The following KCNMA1 variants were observed in gnomAD, a reference collection of about 807,000 sequenced individuals.
KCNMA1 encodes the protein potassium calcium-activated channel subfamily M alpha 1, also known as Calcium-activated potassium channel subunit alpha-1.
KCNMA1 carries 29 observed loss-of-function variants against 140.0 expected under a neutral mutation model. The ratio of observed to expected loss-of-function variants is 0.21; its 90% confidence interval spans 0.15 to 0.28. The LOEUF (loss-of-function observed/expected upper bound fraction) is 0.28. Ranked by LOEUF, KCNMA1 falls within the 10% of genes least tolerant of loss-of-function variation. The pLI is 1.00. For missense variants in KCNMA1, 880 were observed against 1,602.2 expected, an observed-to-expected ratio of 0.55 and a Z score of 7.70; for synonymous variants, 612 against 611.9, an observed-to-expected ratio of 1.00 and a Z score of 0.00.
At chr10:77,621,535 C>T (rs910451446) in intron 1 of KCNMA1, among the ~76,000 whole-genome samples, 1 of 152,128 alleles carries the variant, frequency 6.6e-6, no homozygotes, top group African/African-American at 2.4e-5. Context: ...CACACACACA[C>T]ACACACACAC....
At chr10:77,427,474 G>C (rs1343990123) in intron 1 of KCNMA1, among the ~76,000 whole-genome samples, 1 of 152,180 alleles carries the variant, frequency 6.6e-6, no homozygotes, top group African/African-American at 2.4e-5. Context: ...GAGATGACTT[G>C]GCACAGCACC....
At chr10:77,315,006 C>A (rs573782031) in intron 2 of KCNMA1, among the ~76,000 whole-genome samples, 1 of 151,106 alleles carries the variant, frequency 6.6e-6, no homozygotes, top group Non-Finnish European at 1.5e-5. Flanking sequence ...ATGGGATGTA[C>A]TATGATGTTT....
chr10:77,603,579 A>G (rs2083391041), intron 1 of KCNMA1, among the ~76,000 whole-genome samples: 1 of 152,152 alleles, frequency 6.6e-6, no homozygotes, highest in Non-Finnish European at 1.5e-5. Context: ...AACCTCTGGC[A>G]TCCTGGCAGG....
At chr10:76,877,317 C>T (rs1252798177), downstream of KCNMA1, 4 of 154,676 alleles carry the variant, frequency 2.6e-5, no homozygotes, top group African/African-American at 7.2e-5. Context: ...CCCTTAATTA[C>T]AATTAATTGT....
intron 7 of KCNMA1, among the ~76,000 whole-genome samples, chr10:77,111,480 C>T (rs889327338): frequency 4.6e-5 from 7 of 152,142 alleles, no homozygotes; most frequent in Admixed American, 4.6e-4. Context: ...TTGGGTGCTT[C>T]GTGCTTGGTT....
At chr10:77,530,089 G>A (rs911284891) in intron 1 of KCNMA1, among the ~76,000 whole-genome samples, 1 of 152,206 alleles carries the variant, frequency 6.6e-6, no homozygotes, top group African/African-American at 2.4e-5. Flanking sequence ...TCCTCCAGCA[G>A]TGTCTACATG....
chr10:77,370,858 C>T (rs2094650862), intron 2 of KCNMA1, among the ~76,000 whole-genome samples: 1 of 152,196 alleles, frequency 6.6e-6, no homozygotes, highest in Non-Finnish European at 1.5e-5. Flanking sequence ...ACAGTGCCCT[C>T]TACTTCACAG....
chr10:76,889,396 G>A, intron 27 of KCNMA1, 55 bp downstream of exon 27: 1 of 1,160,340 alleles, frequency 8.6e-7, no homozygotes, highest in Non-Finnish European at 1.3e-6. Context: ...GGACAGGAAA[G>A]GATATTAATA....
chr10:77,320,410 C>T (rs978762157), intron 2 of KCNMA1, among the ~76,000 whole-genome samples: 12 of 152,098 alleles, frequency 7.9e-5, no homozygotes, highest in African/African-American at 2.7e-4. Flanking sequence ...CCCTAAGAAC[C>T]TAATTGGAAT....
chr10:76,883,257 A>G (rs1190818880), downstream of KCNMA1, among the ~76,000 whole-genome samples: 1 of 152,234 alleles, frequency 6.6e-6, no homozygotes, highest in Non-Finnish European at 1.5e-5. Flanking sequence ...AATCAAACCA[A>G]GAGGACAAGG....
intron 2 of KCNMA1, among the ~76,000 whole-genome samples, chr10:77,295,787 C>CAAAAA (rs36034012): frequency 0.019 from 801 of 43,290 alleles, 127 homozygotes; most frequent in Middle Eastern, 0.077. Context: ...GACTCCGTCT[C>CAAAAA]AAAAAAAAAA....
intron 2 of KCNMA1, among the ~76,000 whole-genome samples, chr10:77,336,698 T>C (rs184485466): frequency 1.2e-4 from 19 of 152,328 alleles, no homozygotes; most frequent in Admixed American, 9.8e-4. Flanking sequence ...ACTGATGGCA[T>C]TGGGAGCTGA....
intron 2 of KCNMA1, among the ~76,000 whole-genome samples, chr10:77,290,604 TC>T (rs1478961479): frequency 1.3e-5 from 2 of 152,222 alleles, no homozygotes; most frequent in African/African-American, 4.8e-5. Context: ...TTAGATGTTT[TC>T]CTTCAGTGCT....
At chr10:77,615,973 G>A (rs536035427) in intron 1 of KCNMA1, among the ~76,000 whole-genome samples, 6 of 152,134 alleles carry the variant, frequency 3.9e-5, no homozygotes, top group East Asian at 1.9e-4. Context: ...AAACCTTTAC[G>A]TGGCTGGTAT....
In KCNMA1 at chr10:76,889,472, G is replaced by T. The variant is rs1253143924; in HGVS notation, c.3440C>A (p.Thr1147Asn). Reference sequence around the variant, plus strand: ...TCACCTCTTTGTGCACTGACTGGGGGTGCTGAGGTGAGCATCTCTCAGCCG... The same window carrying T: ...TCACCTCTTTGTGCACTGACTGGGGTTGCTGAGGTGAGCATCTCTCAGCCG... ...IYRLRDAHLSTPSQCTKRYVI... is the reference protein window; with the variant it reads ...IYRLRDAHLSNPSQCTKRYVI... The change falls in exon 27 of 28, where the codon ACC (threonine) becomes AAC (asparagine). Residue 1147 changes from threonine to asparagine, a missense_variant. Physicochemically the swap from Thr to Asn is moderately conservative, Grantham distance 65. Coordinates refer to ENST00000286628, the MANE Select transcript of KCNMA1 (RefSeq NM_001161352.2). The T allele has an allele frequency of 1.2e-6, 2 of 1,611,774 alleles. No homozygotes were observed. Among genetic ancestry groups the T allele is most frequent in the South Asian group, 1.1e-5 (1 of 91,032 alleles).
chr10:77,028,734 AC>A (rs766571936), intron 15 of KCNMA1, among the ~76,000 whole-genome samples: 5 of 152,200 alleles, frequency 3.3e-5, no homozygotes, highest in Admixed American at 3.3e-4. Flanking sequence ...TGTCTCCTTA[AC>A]CAGAGCAACT....
intron 2 of KCNMA1, among the ~76,000 whole-genome samples, chr10:77,370,945 C>T (rs770998404): frequency 9.9e-5 from 15 of 152,178 alleles, no homozygotes; most frequent in Non-Finnish European, 1.5e-4. Context: ...ACCAGTCATT[C>T]CTGTAATCCA....
chr10:77,278,766 G>T (rs1350138984), intron 2 of KCNMA1, among the ~76,000 whole-genome samples: 1 of 152,154 alleles, frequency 6.6e-6, no homozygotes, highest in African/African-American at 2.4e-5. Context: ...GACAGTTGAG[G>T]GATAGCAAAG....
intron 1 of KCNMA1, chr10:77,587,674 G>A (rs958848837): frequency 1.0e-6 from 1 of 983,202 alleles, no homozygotes; most frequent in Non-Finnish European, 1.2e-6. Context: ...TGGAATCTGT[G>A]GAAGGTACAC....
Sources: gnomAD v4.1 joint callset for allele counts (sites outside exome capture counted in the v4.1 genomes callset) on GRCh38, gnomAD v4.1.1 for gene constraint, MANE v1.5 for transcripts, NCBI Gene and HGNC (gene_info 2026-07-23, HGNC 2026-07-21) for gene names.